The following BTBD9 variants were observed in gnomAD, a reference collection of about 807,000 sequenced individuals.
BTBD9 encodes BTB/POZ domain-containing protein 9.
In BTBD9, 49 loss-of-function variants were observed where a neutral mutation model predicts 64.3. The observed-to-expected ratio is 0.76, with a 90% CI of 0.61 to 0.97. The LOEUF is 0.97. BTBD9 is among the 50% of genes least tolerant of loss of function. BTBD9 has a pLI of 0.00. For missense variants in BTBD9, 598 were observed against 762.1 expected (o/e 0.78, Z 2.53); for synonymous variants, 260 against 274.7 (o/e 0.95, Z 0.53).
chr6:38,532,464 G>C (rs376320093), intron 6 of BTBD9, among the ~76,000 whole-genome samples: 1 of 152,140 alleles, frequency 6.6e-6, no homozygotes, highest in Non-Finnish European at 1.5e-5. Context: ...AGCTAAGGAG[G>C]TGTTTTCGCC....
chr6:38,403,251 G>C (rs1178604129), intron 6 of BTBD9, among the ~76,000 whole-genome samples: 3 of 152,032 alleles, frequency 2.0e-5, no homozygotes, highest in African/African-American at 7.2e-5. Flanking sequence ...AAAGCAAAAA[G>C]ACAACCCACA....
chr6:38,301,033 C>T (rs1299893496), intron 7 of BTBD9, among the ~76,000 whole-genome samples: 2 of 152,146 alleles, frequency 1.3e-5, no homozygotes, highest in Admixed American at 1.3e-4. Context: ...AGATACGTCC[C>T]ATCGATACCT....
At chr6:38,377,270 T>C (rs1765727185) in intron 6 of BTBD9, among the ~76,000 whole-genome samples, 1 of 152,228 alleles carries the variant, frequency 6.6e-6, no homozygotes, top group Admixed American at 6.5e-5. Flanking sequence ...ACATTCTTTT[T>C]GGAAGAAACC....
intron 6 of BTBD9, among the ~76,000 whole-genome samples, chr6:38,554,607 G>C (rs1774939854): frequency 6.6e-6 from 1 of 152,146 alleles, no homozygotes; most frequent in African/African-American, 2.4e-5. Flanking sequence ...CATACTGTTT[G>C]GAAGTTACCA....
intron 6 of BTBD9, among the ~76,000 whole-genome samples, chr6:38,566,790 C>G (rs115635320): frequency 6.6e-6 from 1 of 152,184 alleles, no homozygotes; most frequent in Non-Finnish European, 1.5e-5. Flanking sequence ...TATACATACA[C>G]ACACACATCC....
chr6:38,188,272 A>T (rs971453466), intron 10 of BTBD9, among the ~76,000 whole-genome samples: 1 of 152,232 alleles, frequency 6.6e-6, no homozygotes, highest in Non-Finnish European at 1.5e-5. Flanking sequence ...AGGTCTCTCT[A>T]AACAGCCAGC....
chr6:38,254,572 G>A (rs531306159), intron 9 of BTBD9, among the ~76,000 whole-genome samples: 2 of 152,268 alleles, frequency 1.3e-5, no homozygotes, highest in South Asian at 4.2e-4. Context: ...AGGAATTTGA[G>A]GTTACAGTAA....
chr6:38,281,086 T>G (rs1263808766), intron 8 of BTBD9, among the ~76,000 whole-genome samples: 1 of 152,148 alleles, frequency 6.6e-6, no homozygotes, highest in Non-Finnish European at 1.5e-5. Flanking sequence ...ATTATTTGAG[T>G]CATTAGCCCC....
intron 6 of BTBD9, among the ~76,000 whole-genome samples, chr6:38,538,121 C>T (rs1369210407): frequency 6.6e-6 from 1 of 152,156 alleles, no homozygotes; most frequent in African/African-American, 2.4e-5. Context: ...AAACATCAGA[C>T]CCACATGTTA....
At chr6:38,323,635 T>A (rs543576187) in intron 7 of BTBD9, among the ~76,000 whole-genome samples, 4 of 152,380 alleles carry the variant, frequency 2.6e-5, no homozygotes, top group African/African-American at 9.6e-5. Flanking sequence ...AATTTCCATA[T>A]GAGAGAAAAC....
At chr6:38,527,013 C>T (rs1773529092) in intron 6 of BTBD9, among the ~76,000 whole-genome samples, 1 of 151,930 alleles carries the variant, frequency 6.6e-6, no homozygotes, top group South Asian at 2.1e-4. Flanking sequence ...CGGTGGCTCA[C>T]GCCTGTAATC....
chr6:38,510,502 C>A (rs1772728501), intron 6 of BTBD9, among the ~76,000 whole-genome samples: 1 of 149,018 alleles, frequency 6.7e-6, no homozygotes, highest in African/African-American at 2.4e-5. Context: ...TTAGGCTACA[C>A]AAAGTTTATT....
chr6:38,312,539 G>A (rs1200718513), intron 7 of BTBD9, among the ~76,000 whole-genome samples: 1 of 152,170 alleles, frequency 6.6e-6, no homozygotes, highest in Non-Finnish European at 1.5e-5. Flanking sequence ...TAGTTTGAGA[G>A]AGTAAATTTA....
intron 4 of BTBD9, among the ~76,000 whole-genome samples, chr6:38,591,980 T>TG (rs1776813572): frequency 6.6e-6 from 1 of 150,854 alleles, no homozygotes; most frequent in Non-Finnish European, 1.5e-5. Flanking sequence ...AGGTCAGGAG[T>TG]TTGAGACCAG....
intron 1 of BTBD9, among the ~76,000 whole-genome samples, chr6:38,617,674 G>A (rs1388418660): frequency 1.3e-5 from 2 of 152,154 alleles, no homozygotes; most frequent in Non-Finnish European, 2.9e-5. Context: ...CCAAAATTGG[G>A]GGGATGTCCT....
At chr6:38,355,106 A>G (rs779400495) in intron 6 of BTBD9, among the ~76,000 whole-genome samples, 3 of 152,206 alleles carry the variant, frequency 2.0e-5, no homozygotes, top group African/African-American at 7.2e-5. Context: ...CACTACTGGT[A>G]TAAGAGATTT....
Position 38,173,566 on chromosome 6 carries a change from A to G in BTBD9, c.*1419T>C, listed in dbSNP as rs1369200801. The G allele has an allele frequency of 1.3e-5, 2 of 152,262 alleles. No homozygotes were observed. The highest frequency in any genetic ancestry group is 6.5e-5 in the Admixed American group (1 of 15,278). 9.4% of individuals were successfully genotyped at this position (152,262 alleles called of 1,614,324 possible). A position where few individuals can be genotyped will look rare whatever the true frequency, so the allele number is the denominator to read the frequency against. ...TTTCCATATGGACAAATCACTCAAA[A>G]TCAAGTTAAACTAGGAGGAAGCGGC... On this transcript the variant is annotated 3_prime_UTR_variant, in exon 11 of 11. Transcript: ENST00000481247.
intron 6 of BTBD9, among the ~76,000 whole-genome samples, chr6:38,408,933 G>T (rs58257452): frequency 6.6e-6 from 1 of 152,166 alleles, no homozygotes; most frequent in Non-Finnish European, 1.5e-5. Flanking sequence ...TCAGGTACCA[G>T]TGCTATAGAA....
chr6:38,241,502 T>TAC (rs1763991071), intron 9 of BTBD9, among the ~76,000 whole-genome samples: 1 of 152,234 alleles, frequency 6.6e-6, no homozygotes, highest in Non-Finnish European at 1.5e-5. Flanking sequence ...TTAGGTTTAT[T>TAC]ACATGGGCTC....
Sources: allele counts gnomAD v4.1 joint callset (sites outside exome capture counted in the v4.1 genomes callset), GRCh38; gene constraint gnomAD v4.1.1; transcripts MANE v1.5; gene names NCBI Gene and HGNC (gene_info 2026-07-23, HGNC 2026-07-21).